The following FAM149B1 variants were observed in gnomAD, a reference collection of about 807,000 sequenced individuals.
The protein encoded by FAM149B1 is primary cilium assembly protein FAM149B1.
A neutral mutation model predicts 75.3 loss-of-function variants in FAM149B1; 56 were observed. The ratio of observed to expected loss-of-function variants is 0.74; its 90% CI spans 0.60 to 0.93. The LOEUF is 0.93. FAM149B1 is among the 40% of genes least tolerant of loss of function. The pLI, the probability that FAM149B1 is intolerant of heterozygous loss-of-function variation, is 0.00. For missense variants in FAM149B1, 639 were observed against 708.4 expected (o/e 0.90, Z 1.11); for synonymous variants, 259 against 256.1 (o/e 1.01, Z -0.11).
chr10:73,216,715 G>T (rs1031373285), intron 7 of FAM149B1, among the ~76,000 whole-genome samples: 1 of 152,122 alleles, frequency 6.6e-6, no homozygotes, highest in South Asian at 2.1e-4. Flanking sequence ...CCTCTACCAG[G>T]TGGCAGCTGC....
At chr10:73,239,419 T>C in intron 13 of FAM149B1, 35 bp downstream of exon 13, 1 of 1,497,354 alleles carries the variant, frequency 6.7e-7, no homozygotes, top group Non-Finnish European at 9.1e-7. Context: ...TTTACTACTG[T>C]GTGGTTGTGT....
chr10:73,186,012 G>C lies in FAM149B1; in HGVS notation c.283-6544G>C, dbSNP rs145534511. 1.9e-3 allele frequency among the ~76,000 whole-genome samples: 291 copies of C among 152,142 alleles called. 3 individuals are homozygous for C. Among genetic ancestry groups the C allele is most frequent in the African/African-American group, 6.6e-3 (274 of 41,502 alleles). On this transcript the variant is annotated intron_variant, in intron 3 of 13. Transcript: ENST00000242505. ...TCACAAGAAAACTACAAACCAGTAT[G>C]CCTCTTGAAATTAGACACAAAAACT...
chr10:73,225,518 C>T (rs2043519723), intron 7 of FAM149B1, among the ~76,000 whole-genome samples: 1 of 152,040 alleles, frequency 6.6e-6, no homozygotes, highest in Non-Finnish European at 1.5e-5. Context: ...TACAGTTGTA[C>T]AGTGTTTGTG....
At chr10:73,229,974 T>C (rs1233294544) in intron 8 of FAM149B1, among the ~76,000 whole-genome samples, 2 of 152,180 alleles carry the variant, frequency 1.3e-5, no homozygotes, top group Non-Finnish European at 2.9e-5. Context: ...CATTGAGGGC[T>C]GACCTGCTCC....
At chr10:73,186,960 T>C (rs1441010347) in intron 3 of FAM149B1, among the ~76,000 whole-genome samples, 2 of 152,196 alleles carry the variant, frequency 1.3e-5, no homozygotes, top group African/African-American at 4.8e-5. Context: ...ATACTGGTGA[T>C]AGTTGTACAA....
rs2043797840 is a variant in FAM149B1 at position 73,235,297 on chromosome 10, CA to C, written c.1583del (p.Asn528ThrfsTer72). The C allele has an allele frequency of 2.4e-5, 37 of 1,551,926 alleles. No homozygotes were observed. The East Asian group carries it at 9.0e-4, about 38-fold the overall frequency. On this transcript the variant is annotated frameshift_variant, in exon 12 of 14. Coordinates refer to ENST00000242505, the MANE Select transcript of FAM149B1 (RefSeq NM_173348.2). LOFTEE classifies it high-confidence loss of function. ...TTTTGCCCGACTTTTTCCCCAGGCC[CA>C]ACACAACTCAATCATTTTTGGTAGA... ...LLLPDFFPRP[N>X]TTQSFLLDTQ...
rs1589125660 is a variant in FAM149B1 at position 73,168,266 on chromosome 10, G to T, written c.-74G>T. Reference sequence around the variant, plus strand: ...GGGCCGGAGCCGGCGGGAGGGCCAGGCCCGGAGGCCCCCACCCTGGCGTGC... The same window carrying T: ...GGGCCGGAGCCGGCGGGAGGGCCAGTCCCGGAGGCCCCCACCCTGGCGTGC... On this transcript the variant is annotated 5_prime_UTR_variant, in exon 1 of 14. Coordinates refer to ENST00000242505, the MANE Select transcript of FAM149B1 (RefSeq NM_173348.2). 6.6e-7 allele frequency: 1 copy of T among 1,513,642 alleles called. No homozygotes were observed. The highest frequency in any genetic ancestry group is 8.9e-7 in the Non-Finnish European group (1 of 1,120,308). 93.8% of individuals were successfully genotyped at this position (1,513,642 alleles called of 1,614,324 possible).
chr10:73,188,614 C>T (rs1254321595), intron 3 of FAM149B1, among the ~76,000 whole-genome samples: 1 of 151,886 alleles, frequency 6.6e-6, no homozygotes, highest in Non-Finnish European at 1.5e-5. Flanking sequence ...CCCAGCTACT[C>T]TGGAGGCTGA....
At chr10:73,220,028 A>G (rs935640313) in intron 7 of FAM149B1, among the ~76,000 whole-genome samples, 4 of 151,582 alleles carry the variant, frequency 2.6e-5, no homozygotes, top group Non-Finnish European at 2.9e-5. Flanking sequence ...TATCCAGGGT[A>G]AAGAACTATA....
intron 1 of FAM149B1, among the ~76,000 whole-genome samples, chr10:73,172,292 A>G (rs1395970153): frequency 1.3e-5 from 2 of 152,212 alleles, no homozygotes; most frequent in Non-Finnish European, 2.9e-5. Context: ...TTAAAGTGCA[A>G]GCTCCACTGA....
At chr10:73,194,105 C>G (rs1385604520) in intron 5 of FAM149B1, among the ~76,000 whole-genome samples, 1 of 152,126 alleles carries the variant, frequency 6.6e-6, no homozygotes, top group Non-Finnish European at 1.5e-5. Flanking sequence ...ACAGAACTCC[C>G]GTGATCCAAT....
chr10:73,239,470 CTTCT>C, intron 13 of FAM149B1, 86 bp downstream of exon 13: 1 of 960,168 alleles, frequency 1.0e-6, no homozygotes, highest in Non-Finnish European at 1.6e-6. Flanking sequence ...CCTATTTCCC[CTTCT>C]TTCAGATTTT....
intron 3 of FAM149B1, among the ~76,000 whole-genome samples, chr10:73,181,751 T>C (rs1445862890): frequency 6.6e-6 from 1 of 152,206 alleles, no homozygotes; most frequent in Non-Finnish European, 1.5e-5. Flanking sequence ...GTAAATATGT[T>C]AGATCCATTT....
intron 9 of FAM149B1, among the ~76,000 whole-genome samples, chr10:73,232,459 T>TTTAA (rs1286174088): frequency 6.6e-6 from 1 of 152,228 alleles, no homozygotes; most frequent in African/African-American, 2.4e-5. Flanking sequence ...TGCTCAGCAC[T>TTTAA]TTAATTGCTA....
In FAM149B1 at chr10:73,177,858, C is replaced by T. The variant is rs147101300; in HGVS notation, c.165C>T (p.Ile55=). 3.8e-5 allele frequency: 59 copies of T among 1,550,412 alleles called. No individual in the cohort carries two copies. In the African/African-American group the frequency reaches 7.2e-4, roughly 19 times the overall value. ...ATTGTGCCTTTAGCAAGTCTGACAT[C>T]ACAAGAGAATCATCTTTTACATCAG... ...KDTSSQSKSD[I]TRESSFTSAD... The change falls in exon 3 of 14, where the codon ATC becomes ATT. Residue 55 remains isoleucine, a synonymous_variant. Transcript: ENST00000242505.
intron 3 of FAM149B1, among the ~76,000 whole-genome samples, chr10:73,184,345 T>G (rs766584020): frequency 2.0e-5 from 3 of 151,998 alleles, no homozygotes; most frequent in Non-Finnish European, 4.4e-5. Context: ...AAAAAATGAC[T>G]GAATGGAAAG....
In FAM149B1 at chr10:73,189,094, T is replaced by G. The variant is rs559324813; in HGVS notation, c.283-3462T>G. Among the ~76,000 whole-genome samples, 3 of 152,136 alleles carry G rather than the reference T, an allele frequency of 2.0e-5. No homozygotes were observed. In the East Asian group the frequency reaches 5.8e-4, roughly 29 times the overall value. On this transcript the variant is annotated intron_variant, in intron 3 of 13. Coordinates refer to ENST00000242505, the MANE Select transcript of FAM149B1 (RefSeq NM_173348.2). ...AATGGGCAAAAGACTTGAAAAGACA[T>G]TCCATGAAAGAAAAAGACATAAATG... is the stretch of plus-strand genomic sequence containing the variant.
chr10:73,173,469 C>A (rs766136552), intron 1 of FAM149B1, among the ~76,000 whole-genome samples: 2 of 152,210 alleles, frequency 1.3e-5, no homozygotes, highest in Non-Finnish European at 2.9e-5. Context: ...CACTGGGTAT[C>A]CCTATCCCTT....
In FAM149B1 at chr10:73,243,770, A is replaced by T; in HGVS notation, c.*2751A>T. ...ATGTCTTAAAAGAAGAAAACAAAATACAACATTCCAAAGAAAATATTAGCA... is the reference window on the plus strand; with the variant it reads ...ATGTCTTAAAAGAAGAAAACAAAATTCAACATTCCAAAGAAAATATTAGCA... On this transcript the variant is annotated 3_prime_UTR_variant, in exon 14 of 14. Coordinates refer to ENST00000242505, the MANE Select transcript of FAM149B1 (RefSeq NM_173348.2). 1 of 1,393,130 alleles carries T rather than the reference A, an allele frequency of 7.2e-7. No individual in the cohort carries two copies. The allele number at this position is 1,393,130 out of a possible 1,614,324, so 86.3% of individuals were successfully genotyped here. A position where few individuals can be genotyped will look rare whatever the true frequency, so the allele number is the denominator to read the frequency against.
Sources: gnomAD v4.1 joint callset for allele counts (sites outside exome capture counted in the v4.1 genomes callset) on GRCh38, gnomAD v4.1.1 for gene constraint, MANE v1.5 for transcripts, NCBI Gene and HGNC (gene_info 2026-07-23, HGNC 2026-07-21) for gene names.